Variants in NCKAP5 observed in about 807,000 individuals in gnomAD.
NCKAP5 encodes the protein nck-associated protein 5.
In NCKAP5, 92 loss-of-function variants were observed where a neutral mutation model predicts 167.0. That is an observed-to-expected ratio of 0.55 (90% CI 0.47 to 0.66). The LOEUF is 0.66. Ranked by LOEUF, NCKAP5 falls within the 30% of genes least tolerant of loss-of-function variation. The pLI, the probability that NCKAP5 is intolerant of heterozygous loss-of-function variation, is 0.00. For missense variants in NCKAP5, 2,378 were observed against 2,315.0 expected (o/e 1.03, Z -0.56); for synonymous variants, 891 against 877.4 (o/e 1.02, Z -0.27).
chr2:132,686,388 A>C (rs1573860626), intron 19 of NCKAP5, among the ~76,000 whole-genome samples: 1 of 152,066 alleles, frequency 6.6e-6, no homozygotes, highest in South Asian at 2.1e-4. Flanking sequence ...ATCTCCTCTG[A>C]ATTCTTTTCT....
At chr2:133,660,166 C>A in the NCKAP5 span, among the ~76,000 whole-genome samples, 2 of 152,160 alleles carry the variant, frequency 1.3e-5, no homozygotes, top group Non-Finnish European at 1.5e-5. Flanking sequence ...ATTCCAAGGG[C>A]CCAAATGGTT....
Position 133,029,468 on chromosome 2 carries a change from G to A in NCKAP5, c.342-35229C>T, listed in dbSNP as rs183019301. On this transcript the variant is annotated intron_variant, in intron 6 of 19. Transcript: ENST00000409261. The stretch of plus-strand genomic sequence containing the variant: ...CAGCGTACCACTACATGGGGAGCAG[G>A]GGGAGGTTCATTTAAGGAAGAAAAA... Among the ~76,000 whole-genome samples, 516 of 142,548 alleles carry A rather than the reference G, an allele frequency of 3.6e-3. 3 individuals carry two copies. Among genetic ancestry groups the A allele is most frequent in the African/African-American group, 0.015 (503 of 32,626 alleles). 93.5% of individuals were successfully genotyped at this position (142,548 alleles called of 152,430 possible).
At chr2:132,741,928 G>C (rs947342552) in intron 16 of NCKAP5, among the ~76,000 whole-genome samples, 2 of 152,038 alleles carry the variant, frequency 1.3e-5, no homozygotes, top group Admixed American at 6.6e-5. Flanking sequence ...GCGTATGCAA[G>C]GCATTTTAAA....
In NCKAP5 at chr2:133,100,205, G is replaced by A. The variant is rs149944128; in HGVS notation, c.341+29773C>T. 5.5e-3 allele frequency among the ~76,000 whole-genome samples: 835 copies of A among 152,320 alleles called. 1 individual carries two copies. Among genetic ancestry groups the A allele is most frequent in the African/African-American group, 0.019 (785 of 41,570 alleles). On this transcript the variant is annotated intron_variant, in intron 6 of 19. Coordinates refer to ENST00000409261, the MANE Select transcript of NCKAP5 (RefSeq NM_207363.3). ...CACCGAATCTCCCAAAAGGGAGTCC[G>A]TAGAAAAGGTAAGCTATGGTCAACC...
chr2:133,661,577 A>C, the NCKAP5 span, among the ~76,000 whole-genome samples: 1 of 152,192 alleles, frequency 6.6e-6, no homozygotes, highest in Non-Finnish European at 1.5e-5. Flanking sequence ...CAGTTCGCCC[A>C]CACTCATGAA....
intron 11 of NCKAP5, among the ~76,000 whole-genome samples, chr2:132,836,837 G>T (rs1035749900): frequency 2.6e-5 from 4 of 152,114 alleles, no homozygotes; most frequent in Non-Finnish European, 5.9e-5. Context: ...TCATGAGACT[G>T]CCTAGTCATC....
At chr2:133,532,448 T>C (rs1292990801) in intron 2 of NCKAP5, among the ~76,000 whole-genome samples, 1 of 152,220 alleles carries the variant, frequency 6.6e-6, no homozygotes, top group Admixed American at 6.5e-5. Flanking sequence ...TAGCAATTTA[T>C]ACTTATATCA....
intron 8 of NCKAP5, among the ~76,000 whole-genome samples, chr2:132,908,097 T>C (rs957605809): frequency 1.3e-4 from 20 of 152,340 alleles, no homozygotes; most frequent in African/African-American, 4.8e-4. Flanking sequence ...ATTCTTTCTT[T>C]AGATTAGATT....
intron 4 of NCKAP5, among the ~76,000 whole-genome samples, chr2:133,266,755 C>A (rs1281575047): frequency 1.3e-5 from 2 of 152,206 alleles, no homozygotes; most frequent in Non-Finnish European, 2.9e-5. Flanking sequence ...CGCCTGCCTG[C>A]CAGTGTCCCC....
chr2:133,504,173 A>G (rs1682788674), intron 3 of NCKAP5, among the ~76,000 whole-genome samples: 5 of 151,808 alleles, frequency 3.3e-5, no homozygotes, highest in Admixed American at 3.3e-4. Context: ...AAAACTATTT[A>G]AAGCAATCTT....
chr2:132,680,688 T>C (rs1685103723), intron 19 of NCKAP5, among the ~76,000 whole-genome samples: 1 of 151,964 alleles, frequency 6.6e-6, no homozygotes, highest in African/African-American at 2.4e-5. Context: ...AACATCCCCA[T>C]ATATGGAAAA....
chr2:132,931,348 C>T (rs749402217), intron 8 of NCKAP5: 1 of 152,214 alleles, frequency 6.6e-6, no homozygotes, highest in Non-Finnish European at 1.5e-5. Flanking sequence ...GCCATCTGTT[C>T]CTCACTTCCA....
rs7425985 is a variant in NCKAP5, at chr2:133,471,537, G to C, written c.69+45921C>G. ...GGGGGAATAAAAACCTGGGAGGGGA[G>C]GGGGGAAGCAAGCAGGCAGAGGGTC... is the stretch of plus-strand genomic sequence containing the variant. On this transcript the variant is annotated intron_variant, in intron 3 of 19. Transcript: ENST00000409261. Among the ~76,000 whole-genome samples, 851 of 152,158 alleles carry C rather than the reference G, an allele frequency of 5.6e-3. 23 individuals are homozygous for C. The highest frequency in any genetic ancestry group is 0.046 in the Admixed American group (706 of 15,276).
At chr2:132,761,307 C>T (rs771859922) in intron 16 of NCKAP5, among the ~76,000 whole-genome samples, 1 of 152,172 alleles carries the variant, frequency 6.6e-6, no homozygotes, top group Non-Finnish European at 1.5e-5. Flanking sequence ...CGTTAAAGAA[C>T]ATGGTTTACA....
At chr2:132,686,962 T>A (rs1686025988) in intron 19 of NCKAP5, among the ~76,000 whole-genome samples, 1 of 152,152 alleles carries the variant, frequency 6.6e-6, no homozygotes, top group Non-Finnish European at 1.5e-5. Flanking sequence ...AGGTTAGAGA[T>A]TAAAACATGC....
chr2:132,894,183 C>A (rs906542282), intron 8 of NCKAP5, among the ~76,000 whole-genome samples: 1 of 152,224 alleles, frequency 6.6e-6, no homozygotes, highest in African/African-American at 2.4e-5. Flanking sequence ...TTGTAGCATT[C>A]CTTTCAAGGA....
chr2:133,370,672 T>C (rs1315472390), intron 3 of NCKAP5, among the ~76,000 whole-genome samples: 1 of 151,330 alleles, frequency 6.6e-6, no homozygotes, highest in Non-Finnish European at 1.5e-5. Flanking sequence ...AAGCAGTTAA[T>C]GAAGTCAATT....
intron 5 of NCKAP5, among the ~76,000 whole-genome samples, chr2:133,208,050 C>A (rs1007277097): frequency 6.6e-6 from 1 of 152,102 alleles, no homozygotes; most frequent in Non-Finnish European, 1.5e-5. Context: ...TCAACAGTGA[C>A]AAGCTGGGCC....
chr2:133,504,518 C>T (rs955678919), intron 3 of NCKAP5, among the ~76,000 whole-genome samples: 12 of 151,846 alleles, frequency 7.9e-5, no homozygotes, highest in Non-Finnish European at 1.5e-5. Flanking sequence ...TATAAGAGAA[C>T]CCTGATGTTT....
Sources: allele counts gnomAD v4.1 joint callset (sites outside exome capture counted in the v4.1 genomes callset), GRCh38; gene constraint gnomAD v4.1.1; transcripts MANE v1.5; gene names NCBI Gene and HGNC (gene_info 2026-07-23, HGNC 2026-07-21).